CNTNAP5: variants seen among roughly 807,000 people sequenced by gnomAD.
CNTNAP5 encodes the protein contactin-associated protein-like 5.
Under a neutral mutation model 150.2 loss-of-function variants are expected in CNTNAP5, and 72 were observed. The ratio of observed to expected loss-of-function variants is 0.48; its 90% confidence interval spans 0.40 to 0.58. The LOEUF (loss-of-function observed/expected upper bound fraction) is 0.58. Among genes scored for constraint, CNTNAP5 ranks in the 20% least tolerant of loss-of-function variants. The pLI is 0.00. For synonymous variants in CNTNAP5, 672 were observed against 619.8 expected (o/e 1.08, Z -1.25); for missense variants, 1,636 against 1,626.2 (o/e 1.01, Z -0.10).
At chr2:124,819,970 A>G (rs767283517) in intron 19 of CNTNAP5, among the ~76,000 whole-genome samples, 2 of 152,174 alleles carry the variant, frequency 1.3e-5, no homozygotes, top group East Asian at 1.9e-4. Flanking sequence ...GTGAAATTGC[A>G]TATCAACTTA....
intron 2 of CNTNAP5, among the ~76,000 whole-genome samples, chr2:124,235,211 G>T (rs1043845563): frequency 6.6e-6 from 1 of 152,216 alleles, no homozygotes; most frequent in East Asian, 1.9e-4. Context: ...TCTGACACTC[G>T]CTGAGTTGAG....
intron 1 of CNTNAP5, among the ~76,000 whole-genome samples, chr2:124,124,933 C>T (rs1279913617): frequency 6.6e-6 from 1 of 152,202 alleles, no homozygotes; most frequent in Admixed American, 6.5e-5. Context: ...TAGAAAGGAA[C>T]AACCAGTATG....
At chr2:124,807,045 G>C (rs1467519489) in intron 19 of CNTNAP5, among the ~76,000 whole-genome samples, 1 of 151,900 alleles carries the variant, frequency 6.6e-6, no homozygotes, top group Non-Finnish European at 1.5e-5. Context: ...GCTTTTCTCA[G>C]AGAAAAGACA....
rs200491870 is a variant in CNTNAP5, at chr2:124,796,916, G to A, written c.2993-1180G>A. Among the ~76,000 whole-genome samples, 18 of 152,328 alleles carry A rather than the reference G, an allele frequency of 1.2e-4. No homozygotes were observed. The East Asian group carries it at 3.3e-3, about 28-fold the overall frequency. On this transcript the variant is annotated intron_variant, in intron 18 of 23. Coordinates refer to ENST00000682447, the MANE Select transcript of CNTNAP5 (RefSeq NM_001367498.1). ...TTACTGTATAGAGATAAAATTTAAA[G>A]TGAACTCAAGAGCAGCCTTGATCTA...
intron 11 of CNTNAP5, among the ~76,000 whole-genome samples, chr2:124,596,003 A>G: frequency 2.3e-5 from 2 of 88,572 alleles, no homozygotes; most frequent in African/African-American, 4.6e-5. Context: ...ATCATTTTTT[A>G]TTGTGTCTAT....
At position 124,586,966 on chromosome 2, in the gene CNTNAP5, T is replaced by C. The variant is rs538823517; in HGVS notation, c.1757-22835T>C. On this transcript the variant is annotated intron_variant, in intron 11 of 23. Coordinates refer to ENST00000682447, the MANE Select transcript of CNTNAP5 (RefSeq NM_001367498.1). Reference sequence around the variant, plus strand: ...GAGCAAAGCCTGGCCTGGGTTCAGATACCAGCTTCCTGCTGAATGGTGAGT... The same window carrying C: ...GAGCAAAGCCTGGCCTGGGTTCAGACACCAGCTTCCTGCTGAATGGTGAGT... 3.3e-5 allele frequency among the ~76,000 whole-genome samples: 5 copies of C among 152,192 alleles called. No homozygotes were observed. The South Asian group carries it at 1.0e-3, about 31-fold the overall frequency.
chr2:124,452,981 C>CT (rs1693025542), intron 6 of CNTNAP5, among the ~76,000 whole-genome samples: 1 of 152,008 alleles, frequency 6.6e-6, no homozygotes, highest in Non-Finnish European at 1.5e-5. Flanking sequence ...TAACACCCCC[C>CT]AAAAAAATTA....
Position 124,578,424 on chromosome 2 carries a change from C to A in CNTNAP5, c.1756+15101C>A, listed in dbSNP as rs72972516. Among the ~76,000 whole-genome samples the A allele has an allele frequency of 2.3e-3, 354 of 152,026 alleles. 1 individual carries two copies. Among genetic ancestry groups the A allele is most frequent in the African/African-American group, 8.1e-3 (338 of 41,488 alleles). ...AACTTGGGGATTCATAATCTTACAG[C>A]TCAAAAGGGTCTCCCCACAGTCTTG... On this transcript the variant is annotated intron_variant, in intron 11 of 23. Coordinates refer to ENST00000682447, the MANE Select transcript of CNTNAP5 (RefSeq NM_001367498.1).
At chr2:124,688,538 A>G (rs1679238507) in intron 13 of CNTNAP5, among the ~76,000 whole-genome samples, 1 of 152,118 alleles carries the variant, frequency 6.6e-6, no homozygotes, top group Non-Finnish European at 1.5e-5. Flanking sequence ...TTTTAGGATA[A>G]GTCATAGAAT....
In CNTNAP5 at chr2:124,914,363, G is replaced by T; in HGVS notation, c.*75G>T. 9.2e-7 allele frequency: 1 copy of T among 1,087,028 alleles called. No individual in the cohort carries two copies. The highest frequency in any genetic ancestry group is 1.5e-5 in the South Asian group (1 of 65,556). 67.3% of individuals were successfully genotyped at this position (1,087,028 alleles called of 1,614,324 possible). A position where few individuals can be genotyped will look rare whatever the true frequency, so the allele number is the denominator to read the frequency against. The stretch of plus-strand genomic sequence containing the variant: ...CTCCCCCTCTTCTCTCCTGTCTTTT[G>T]ATTTGGTCATTCTCTTTATTTTCTG... On this transcript the variant is annotated 3_prime_UTR_variant, in exon 24 of 24. Transcript: ENST00000682447.
chr2:124,474,707 C>G, intron 6 of CNTNAP5, 32 bp from the exon 7 acceptor site: 2 of 1,511,400 alleles, frequency 1.3e-6, no homozygotes, highest in Non-Finnish European at 1.8e-6. Context: ...GAGCTTAAAA[C>G]TAAGAGTTTG....
chr2:124,485,628 A>AG (rs1275670993), intron 7 of CNTNAP5, among the ~76,000 whole-genome samples: 1 of 127,556 alleles, frequency 7.8e-6, no homozygotes, highest in African/African-American at 3.5e-5. Flanking sequence ...AAAAAAAAAA[A>AG]AAAAAAGAAG....
chr2:124,758,939 A>G (rs566642398), intron 14 of CNTNAP5, among the ~76,000 whole-genome samples: 37 of 152,310 alleles, frequency 2.4e-4, no homozygotes, highest in African/African-American at 8.4e-4. Context: ...CTAGATTGCT[A>G]TTTAATGTCG....
chr2:124,909,758 C>T (rs1480738523), intron 22 of CNTNAP5, among the ~76,000 whole-genome samples: 1 of 142,624 alleles, frequency 7.0e-6, no homozygotes, highest in African/African-American at 2.6e-5. Flanking sequence ...TTCTCTTTAT[C>T]TGCCCGCTCT....
At chr2:124,802,528 C>A (rs2104647012) in intron 19 of CNTNAP5, among the ~76,000 whole-genome samples, 1 of 152,252 alleles carries the variant, frequency 6.6e-6, no homozygotes, top group South Asian at 2.1e-4. Flanking sequence ...AAAGAGAAGG[C>A]AGTTTTAGTT....
At chr2:124,838,616 C>A (rs1397641536) in intron 19 of CNTNAP5, among the ~76,000 whole-genome samples, 2 of 152,160 alleles carry the variant, frequency 1.3e-5, no homozygotes, top group Non-Finnish European at 2.9e-5. Context: ...GGCTGCGAAT[C>A]AAATAGGGTC....
chr2:124,769,329 C>T (rs1295536583), intron 16 of CNTNAP5, among the ~76,000 whole-genome samples: 1 of 151,836 alleles, frequency 6.6e-6, no homozygotes, highest in Non-Finnish European at 1.5e-5. Context: ...AAATCATGAA[C>T]TCATCTTGTT....
At chr2:124,305,261 GT>G (rs1174121055) in intron 3 of CNTNAP5, among the ~76,000 whole-genome samples, 2 of 148,270 alleles carry the variant, frequency 1.3e-5, no homozygotes, top group African/African-American at 5.2e-5. Context: ...CTTGATGACA[GT>G]CTAAAAAAAA....
chr2:124,481,109 G>A (rs1010522692), intron 7 of CNTNAP5, among the ~76,000 whole-genome samples: 8 of 152,164 alleles, frequency 5.3e-5, no homozygotes, highest in Non-Finnish European at 1.0e-4. Flanking sequence ...CAGGACGATC[G>A]GGTTCGGGTG....
Sources: gnomAD v4.1 joint callset for allele counts (sites outside exome capture counted in the v4.1 genomes callset) on GRCh38, gnomAD v4.1.1 for gene constraint, MANE v1.5 for transcripts, NCBI Gene and HGNC (gene_info 2026-07-23, HGNC 2026-07-21) for gene names.